The following IQCM variants were observed in gnomAD, a reference collection of about 807,000 sequenced individuals.
IQCM encodes the protein IQ motif containing M, also known as IQ domain-containing protein M.
IQCM carries 45 observed loss-of-function variants against 57.6 expected under a neutral mutation model. The ratio of observed to expected loss-of-function variants is 0.78; its 90% confidence interval spans 0.62 to 1.00. The LOEUF (loss-of-function observed/expected upper bound fraction) is 1.00. IQCM is among the 50% of genes least tolerant of loss of function. IQCM has a pLI of 0.00. For synonymous variants in IQCM, 148 were observed against 158.9 expected (o/e 0.93, Z 0.51); for missense variants, 468 against 511.6 (o/e 0.91, Z 0.82).
chr4:149,458,922 T>G (rs1737984924), intron 12 of IQCM, among the ~76,000 whole-genome samples: 1 of 152,166 alleles, frequency 6.6e-6, no homozygotes, highest in Non-Finnish European at 1.5e-5. Context: ...TAGGCAGCCA[T>G]CCAGTCTAGT....
At chr4:149,355,297 G>T (rs1166972106) in intron 13 of IQCM, among the ~76,000 whole-genome samples, 1 of 151,730 alleles carries the variant, frequency 6.6e-6, no homozygotes, top group Non-Finnish European at 1.5e-5. Context: ...GAACGTGCAG[G>T]TTTGTTACAT....
chr4:149,415,161 A>G (rs1296467944), intron 13 of IQCM, among the ~76,000 whole-genome samples: 1 of 152,186 alleles, frequency 6.6e-6, no homozygotes, highest in African/African-American at 2.4e-5. Flanking sequence ...CATATTTAAA[A>G]ATGCATGTAG....
At chr4:149,638,675 C>G (rs1381975840) in intron 7 of IQCM, among the ~76,000 whole-genome samples, 1 of 152,136 alleles carries the variant, frequency 6.6e-6, no homozygotes, top group Non-Finnish European at 1.5e-5. Context: ...TTTCATATAT[C>G]AGCTATTGAC....
intron 12 of IQCM, among the ~76,000 whole-genome samples, chr4:149,518,793 A>T (rs1048818422): frequency 3.9e-5 from 6 of 152,174 alleles, no homozygotes; most frequent in African/African-American, 1.4e-4. Flanking sequence ...AGAGAGAGAG[A>T]GAAATGTAAA....
chr4:149,619,512 G>A (rs575528240), intron 8 of IQCM, among the ~76,000 whole-genome samples: 1 of 152,066 alleles, frequency 6.6e-6, no homozygotes, highest in East Asian at 1.9e-4. Context: ...AAAAAAATTA[G>A]CTTTAGTAAA....
intron 3 of IQCM, among the ~76,000 whole-genome samples, chr4:149,737,882 T>C (rs1259838403): frequency 1.3e-5 from 2 of 152,212 alleles, no homozygotes; most frequent in African/African-American, 2.4e-5. Context: ...CCTCTTTTAA[T>C]TCCCTTTTTC....
At chr4:149,562,753 T>C (rs1750248496) in intron 10 of IQCM, among the ~76,000 whole-genome samples, 1 of 152,182 alleles carries the variant, frequency 6.6e-6, no homozygotes, top group Non-Finnish European at 1.5e-5. Context: ...GAACTACATA[T>C]GTGATTCCCA....
intron 12 of IQCM, among the ~76,000 whole-genome samples, chr4:149,540,926 G>T (rs1747789367): frequency 6.6e-6 from 1 of 152,042 alleles, no homozygotes; most frequent in South Asian, 2.1e-4. Flanking sequence ...TTTAAAATAA[G>T]GCTACTCTAA....
rs554191905 is a variant in IQCM at position 149,469,085 on chromosome 4, G to C, written c.1229-35528C>G. ...ATTGGCTCTTCTCCAAAGGAACACA[G>C]CTCCTCGCCAGCAATGGAACAAAGG... On this transcript the variant is annotated intron_variant, in intron 12 of 13. Coordinates refer to ENST00000636793, the MANE Select transcript of IQCM (RefSeq NM_001363507.2). Among the ~76,000 whole-genome samples, 73 of 152,310 alleles carry C rather than the reference G, an allele frequency of 4.8e-4. 1 individual carries two copies. The South Asian group carries it at 0.015, about 32-fold the overall frequency.
At chr4:149,405,851 G>C in intron 13 of IQCM, among the ~76,000 whole-genome samples, 1 of 129,460 alleles carries the variant, frequency 7.7e-6, no homozygotes, top group South Asian at 2.7e-4. Context: ...ATATATATAT[G>C]CTCCAGATAT....
At chr4:149,576,980 A>T (rs1295848732) in intron 9 of IQCM, among the ~76,000 whole-genome samples, 1 of 151,920 alleles carries the variant, frequency 6.6e-6, no homozygotes, top group Admixed American at 6.6e-5. Flanking sequence ...GCATTTCTCC[A>T]CTGATTAGTG....
intron 12 of IQCM, among the ~76,000 whole-genome samples, chr4:149,532,721 A>G (rs1440424857): frequency 6.6e-6 from 1 of 152,108 alleles, no homozygotes; most frequent in Non-Finnish European, 1.5e-5. Flanking sequence ...TGGTGACACC[A>G]TCTCTTCCCT....
intron 9 of IQCM, among the ~76,000 whole-genome samples, chr4:149,569,704 T>C (rs1432017610): frequency 6.6e-6 from 1 of 152,170 alleles, no homozygotes. Flanking sequence ...TACAGGTTTC[T>C]CAGTTTAGTT....
At chr4:149,472,546 C>A (rs1275912109) in intron 12 of IQCM, among the ~76,000 whole-genome samples, 1 of 152,114 alleles carries the variant, frequency 6.6e-6, no homozygotes, top group Non-Finnish European at 1.5e-5. Context: ...GCCATACTGC[C>A]CAAGGTAATT....
intron 7 of IQCM, among the ~76,000 whole-genome samples, chr4:149,647,717 A>G (rs1175147564): frequency 6.6e-6 from 1 of 151,570 alleles, no homozygotes; most frequent in Non-Finnish European, 1.5e-5. Context: ...TTCAAAGTGT[A>G]TATTTCTTTG....
intron 7 of IQCM, among the ~76,000 whole-genome samples, chr4:149,637,543 C>T (rs1757834327): frequency 6.6e-6 from 1 of 151,850 alleles, no homozygotes; most frequent in South Asian, 2.1e-4. Flanking sequence ...AAAATTTTAC[C>T]TGGACAGGCA....
At chr4:149,607,818 C>T (rs1241806086) in intron 8 of IQCM, among the ~76,000 whole-genome samples, 1 of 151,158 alleles carries the variant, frequency 6.6e-6, no homozygotes, top group African/African-American at 2.4e-5. Flanking sequence ...AAACATACTA[C>T]CAAAGAAAAT....
chr4:149,522,292 T>C (rs990909811), intron 12 of IQCM, among the ~76,000 whole-genome samples: 1 of 152,154 alleles, frequency 6.6e-6, no homozygotes, highest in Non-Finnish European at 1.5e-5. Flanking sequence ...TAGCTGGCCC[T>C]GTCTGCCAAG....
intron 12 of IQCM, among the ~76,000 whole-genome samples, chr4:149,464,200 G>A (rs567474679): frequency 1.3e-5 from 2 of 152,248 alleles, no homozygotes; most frequent in East Asian, 3.9e-4. Flanking sequence ...ACAACTCTAC[G>A]TAAGGGTTGT....
Sources: gnomAD v4.1 joint callset for allele counts (sites outside exome capture counted in the v4.1 genomes callset) on GRCh38, gnomAD v4.1.1 for gene constraint, MANE v1.5 for transcripts, NCBI Gene and HGNC (gene_info 2026-07-23, HGNC 2026-07-21) for gene names.